Variants in TIMP2 observed in about 807,000 individuals in gnomAD.
TIMP2 encodes the protein TIMP metallopeptidase inhibitor 2, also known as metalloproteinase inhibitor 2.
Under a neutral mutation model 24.3 loss-of-function variants are expected in TIMP2, and 5 were observed. The ratio of observed to expected loss-of-function variants is 0.21; its 90% CI spans 0.11 to 0.43. The LOEUF (loss-of-function observed/expected upper bound fraction) is 0.43, where lower values mean the gene tolerates loss of function less well. TIMP2 is among the 20% of genes least tolerant of loss of function. TIMP2 has a pLI of 1.00. For missense variants in TIMP2, 221 were observed against 297.5 expected (o/e 0.74, Z 1.89); for synonymous variants, 130 against 123.2 (o/e 1.06, Z -0.37).
chr17:78,920,907 T>TA lies in TIMP2; in HGVS notation c.130+4051dup, dbSNP rs990961354. On this transcript the variant is annotated intron_variant, in intron 1 of 4. Coordinates refer to ENST00000262768, the MANE Select transcript of TIMP2 (RefSeq NM_003255.5). The surrounding 1 kb of genome is among the most constrained non-coding windows in gnomAD (Gnocchi z 4.5). ...CAGGGACAATGTCTTGCTTCTCCCT[T>TA]ACATCCCCGGGGGCAGAGGCAGCCA... Among the ~76,000 whole-genome samples the TA allele has an allele frequency of 1.3e-4, 20 of 151,990 alleles. No homozygotes were observed. The highest frequency in any genetic ancestry group is 4.8e-4 in the African/African-American group (20 of 41,362).
chr17:78,857,575 T>C lies in TIMP2; in HGVS notation c.412A>G (p.Thr138Ala), dbSNP rs1319416210. Residue 138 changes from threonine (T) to alanine (A), a missense_variant, in exon 4 of 5, where the codon ACC becomes GCC. Physicochemically the swap from Thr to Ala is moderately conservative, Grantham distance 58. Transcript: ENST00000262768. ...DFIVPWDTLS[T>A]TQKKSLNHRY... ...TGGTTCAGGCTCTTCTTCTGGGTGG[T>C]GCTCAGGGTGTCCCAGGGCACGATG... The C allele has an allele frequency of 1.2e-6, 2 of 1,614,142 alleles. No individual in the cohort carries two copies. Among genetic ancestry groups the C allele is most frequent in the Non-Finnish European group, 1.7e-6 (2 of 1,180,024 alleles).
At chr17:78,921,683 C>T (rs370682221) in intron 1 of TIMP2, among the ~76,000 whole-genome samples, 1 of 152,196 alleles carries the variant, frequency 6.6e-6, no homozygotes, top group African/African-American at 2.4e-5. Context: ...AACTGAGACA[C>T]AAAATGCTTC....
intron 1 of TIMP2, among the ~76,000 whole-genome samples, chr17:78,918,076 A>G (rs8065944): frequency 1.1e-4 from 16 of 146,186 alleles, no homozygotes; most frequent in South Asian, 4.2e-4. Context: ...ACACACACAC[A>G]CACACACACA....
intron 2 of TIMP2, 61 bp from the exon 3 acceptor site, chr17:78,871,067 T>G: frequency 6.9e-7 from 1 of 1,439,312 alleles, no homozygotes; most frequent in Non-Finnish European, 9.7e-7. Flanking sequence ...GTGAATTCCG[T>G]TCCCATCCAG....
At chr17:78,907,344 G>A (rs1253489222) in intron 1 of TIMP2, among the ~76,000 whole-genome samples, 2 of 152,150 alleles carry the variant, frequency 1.3e-5, no homozygotes, top group African/African-American at 2.4e-5. Flanking sequence ...TCCCATTATA[G>A]GGTAATTAAT....
In TIMP2 at chr17:78,855,366, G is replaced by T. The variant is rs1012196258; in HGVS notation, c.*301C>A. The T allele has an allele frequency of 4.1e-5, 18 of 443,522 alleles. No individual in the cohort carries two copies. Among genetic ancestry groups the T allele is most frequent in the Admixed American group, 7.1e-5 (2 of 28,336 alleles). 27.5% of individuals were successfully genotyped at this position (443,522 alleles called of 1,614,324 possible). ...TGCTGCCTGCTTGGCATCTGTGACG[G>T]TGCCAAGGCAGGGACTGGGAGGGAA... On this transcript the variant is annotated 3_prime_UTR_variant, in exon 5 of 5. Transcript: ENST00000262768. The surrounding 1 kb of genome is among the most constrained non-coding windows in gnomAD (Gnocchi z 6.0).
chr17:78,858,312 G>A (rs1210659899), intron 3 of TIMP2, among the ~76,000 whole-genome samples: 1 of 151,266 alleles, frequency 6.6e-6, no homozygotes, highest in African/African-American at 2.4e-5. Flanking sequence ...GCGTGCTGGC[G>A]GGCACCTGTA....
chr17:78,859,322 A>C (rs544286778), intron 3 of TIMP2, among the ~76,000 whole-genome samples: 1 of 152,322 alleles, frequency 6.6e-6, no homozygotes, highest in East Asian at 1.9e-4. Context: ...AGTGTGTTCC[A>C]GTGGCTGACA....
Position 78,896,993 on chromosome 17 carries a change from C to T in TIMP2, c.131-23074G>A, listed in dbSNP as rs2070011583. On this transcript the variant is annotated intron_variant, in intron 1 of 4. Coordinates refer to ENST00000262768, the MANE Select transcript of TIMP2 (RefSeq NM_003255.5). This position sits in a 1 kb window ranked among gnomAD's most constrained non-coding sequence, Gnocchi z 4.4. ...TTGAGAATGACGTCCAAGCAGCTCG[C>T]CTTTCCCTGGGCGGCCGCTCAGACA... is the stretch of plus-strand genomic sequence containing the variant. 1.0e-6 allele frequency: 1 copy of T among 985,408 alleles called. No individual in the cohort carries two copies. The highest frequency in any genetic ancestry group is 1.2e-6 in the Non-Finnish European group (1 of 829,922). The allele number at this position is 985,408 out of a possible 1,614,324, so 61.0% of individuals were successfully genotyped here. A position where few individuals can be genotyped will look rare whatever the true frequency, so the allele number is the denominator to read the frequency against.
chr17:78,891,010 C>A lies in TIMP2; in HGVS notation c.131-17091G>T, dbSNP rs770219042. ...CTTTCTGCCTTTGCCTGGATGCCGTCGAGCCCACTCTGTCTGCCTGGTCTT... is the reference window on the plus strand; with the variant it reads ...CTTTCTGCCTTTGCCTGGATGCCGTAGAGCCCACTCTGTCTGCCTGGTCTT... On this transcript the variant is annotated intron_variant, in intron 1 of 4. Transcript: ENST00000262768. The surrounding 1 kb of genome is among the most constrained non-coding windows in gnomAD (Gnocchi z 4.5). 3 of 1,551,188 alleles carry A rather than the reference C, an allele frequency of 1.9e-6. No individual in the cohort carries two copies. In the South Asian group the frequency reaches 3.6e-5, roughly 18 times the overall value.
intron 1 of TIMP2, among the ~76,000 whole-genome samples, chr17:78,918,065 AACACACACAC>A (rs57256110): frequency 6.9e-6 from 1 of 144,812 alleles, no homozygotes; most frequent in African/African-American, 2.6e-5. Flanking sequence ...TGCACACACA[AACACACACAC>A]ACACACACAC....
chr17:78,907,228 T>G (rs2070167994), intron 1 of TIMP2, among the ~76,000 whole-genome samples: 3 of 151,892 alleles, frequency 2.0e-5, no homozygotes, highest in African/African-American at 7.3e-5. Flanking sequence ...GGAGATGGGG[T>G]CTTGTCGTGT....
In TIMP2 at chr17:78,925,032, C is replaced by A; in HGVS notation, c.57G>T (p.Thr19=). The A allele has an allele frequency of 1.6e-6, 2 of 1,224,506 alleles. No homozygotes were observed. Among genetic ancestry groups the A allele is most frequent in the East Asian group, 3.7e-5 (1 of 27,310 alleles). The allele number at this position is 1,224,506 out of a possible 1,614,324, so 75.9% of individuals were successfully genotyped here. ...TGCAGGCGTCGGCCGGGCGAAGCAG[C>A]GTCGCCAGCAGCAGGAGGCCGAGCG... ...RLALGLLLLA[T]LLRPADACSC... is the part of the protein sequence containing the mutation. Residue 19 remains threonine, a synonymous_variant, in exon 1 of 5, where the codon ACG becomes ACT. Coordinates refer to ENST00000262768, the MANE Select transcript of TIMP2 (RefSeq NM_003255.5).
Position 78,855,743 on chromosome 17 carries a change from C to A in TIMP2, c.587G>T (p.Arg196Ile). 6.2e-7 allele frequency: 1 copy of A among 1,614,200 alleles called. No homozygotes were observed. Among genetic ancestry groups the A allele is most frequent in the Non-Finnish European group, 8.5e-7 (1 of 1,180,050 alleles). Residue 196 changes from arginine (R) to isoleucine (I), a missense_variant, in exon 5 of 5, where the codon AGA becomes ATA. Physicochemically the swap from Arg to Ile is moderately conservative, Grantham distance 97. Coordinates refer to ENST00000262768, the MANE Select transcript of TIMP2 (RefSeq NM_003255.5). The surrounding 1 kb of genome is among the most constrained non-coding windows in gnomAD (Gnocchi z 6.0). Reference protein sequence around the residue: ...HQAKFFACIKRSDGSCAWYRG... With the variant: ...HQAKFFACIKISDGSCAWYRG... ...GTACCACGCACAGGAGCCGTCACTT[C>A]TCTTGATGCAGGCGAAGAACTTGGC... is the stretch of plus-strand genomic sequence containing the variant.
chr17:78,892,032 G>A (rs769950393), intron 1 of TIMP2: 17 of 1,550,564 alleles, frequency 1.1e-5, no homozygotes, highest in East Asian at 4.9e-5. Flanking sequence ...GCTGATCTTC[G>A]CTGGATGGGC....
At chr17:78,865,986 G>A (rs920330474) in intron 3 of TIMP2, among the ~76,000 whole-genome samples, 3 of 149,848 alleles carry the variant, frequency 2.0e-5, no homozygotes, top group East Asian at 1.9e-4. Flanking sequence ...TTACTTTAAA[G>A]GCTGTTCCCT....
chr17:78,895,346 GATGTGTGGCTA>G lies in TIMP2; in HGVS notation c.131-21438_131-21428del, dbSNP rs2069982213. On this transcript the variant is annotated intron_variant, in intron 1 of 4. Coordinates refer to ENST00000262768, the MANE Select transcript of TIMP2 (RefSeq NM_003255.5). ...AATAGATATTTCACCAAAGAACATA[GATGTGTGGCTA>G]ATACAGCACATAAAAACATGTTCAA... 3.3e-5 allele frequency among the ~76,000 whole-genome samples: 5 copies of G among 152,172 alleles called. 1 individual carries two copies. In the South Asian group the frequency reaches 1.0e-3, roughly 32 times the overall value.
At chr17:78,866,550 C>A (rs753055503) in intron 3 of TIMP2, among the ~76,000 whole-genome samples, 1 of 144,384 alleles carries the variant, frequency 6.9e-6, no homozygotes, top group Non-Finnish European at 1.5e-5. Context: ...AGGGATACAC[C>A]CAGGAAAAAT....
chr17:78,913,489 C>T (rs1018986191), intron 1 of TIMP2, among the ~76,000 whole-genome samples: 1 of 152,108 alleles, frequency 6.6e-6, no homozygotes, highest in Non-Finnish European at 1.5e-5. Flanking sequence ...GGTGGGAAGA[C>T]GGCTTGAGCC....
Sources: allele counts gnomAD v4.1 joint callset (sites outside exome capture counted in the v4.1 genomes callset), GRCh38; gene constraint gnomAD v4.1.1; non-coding constraint Gnocchi (gnomAD v3.1); transcripts MANE v1.5; gene names NCBI Gene and HGNC (gene_info 2026-07-23, HGNC 2026-07-21).